Variants in JMJD1C observed in about 807,000 individuals in gnomAD.
The protein encoded by JMJD1C is jumonji domain-containing protein 1C.
A neutral mutation model predicts 245.3 loss-of-function variants in JMJD1C; 31 were observed. The ratio of observed to expected loss-of-function variants is 0.13; its 90% CI spans 0.09 to 0.17. The LOEUF is 0.17. JMJD1C is among the 10% of genes least tolerant of loss of function. The probability of loss-of-function intolerance (pLI) is 1.00; values close to 1 mark genes in which losing one functional copy is unlikely to be tolerated. For missense variants in JMJD1C, 2,691 were observed against 3,000.2 expected, an observed-to-expected ratio of 0.90 and a Z score of 2.41; for synonymous variants, 1,057 against 1,017.4, an observed-to-expected ratio of 1.04 and a Z score of -0.74.
intron 1 of JMJD1C, among the ~76,000 whole-genome samples, chr10:63,479,993 T>A (rs1275831630): frequency 2.0e-5 from 3 of 152,238 alleles, no homozygotes; most frequent in Non-Finnish European, 2.9e-5. Flanking sequence ...GCCAAATATA[T>A]ATTTTTTAAT....
intron 2 of JMJD1C, among the ~76,000 whole-genome samples, chr10:63,316,514 C>T (rs917639129): frequency 1.1e-4 from 16 of 144,994 alleles, no homozygotes; most frequent in Non-Finnish European, 1.6e-4. Context: ...ATGGCATGAT[C>T]CCTGCTCACT....
At chr10:63,491,944 G>T (rs977531871) in intron 1 of JMJD1C, among the ~76,000 whole-genome samples, 1 of 152,224 alleles carries the variant, frequency 6.6e-6, no homozygotes, top group African/African-American at 2.4e-5. Flanking sequence ...AAACTAAGAG[G>T]GGCAGAGCGG....
At chr10:63,311,772 T>A (rs1414986574) in intron 2 of JMJD1C, among the ~76,000 whole-genome samples, 1 of 152,118 alleles carries the variant, frequency 6.6e-6, no homozygotes, top group East Asian at 1.9e-4. Context: ...AGACAGTGAT[T>A]ACTGATGGAG....
chr10:63,518,948 T>G (rs1955114262), intron 1 of JMJD1C, among the ~76,000 whole-genome samples: 1 of 152,256 alleles, frequency 6.6e-6, no homozygotes, highest in South Asian at 2.1e-4. Flanking sequence ...CTGTTACCAA[T>G]GACCTATGTG....
At chr10:63,414,933 C>T (rs1276235165) in intron 1 of JMJD1C, among the ~76,000 whole-genome samples, 1 of 126,090 alleles carries the variant, frequency 7.9e-6, no homozygotes, top group African/African-American at 2.6e-5. Context: ...TATTCCAACA[C>T]TAGAGAAAAA....
At position 63,227,273 on chromosome 10, in the gene JMJD1C, T is replaced by C. The variant is rs1174857236; in HGVS notation, c.448-7290A>G. ...CAGTATTATGAAAATGTTAAAAATA[T>C]ACACAACTCATTTCCTAAGATAATA... On this transcript the variant is annotated intron_variant, in intron 3 of 25. Transcript: ENST00000399262. Among the ~76,000 whole-genome samples, 4 of 152,312 alleles carry C rather than the reference T, an allele frequency of 2.6e-5. No homozygotes were observed. In the East Asian group the frequency reaches 7.7e-4, roughly 29 times the overall value.
intron 3 of JMJD1C, among the ~76,000 whole-genome samples, chr10:63,230,455 T>C (rs1004276041): frequency 6.6e-6 from 1 of 152,162 alleles, no homozygotes. Flanking sequence ...CATTTAATCA[T>C]AAGAATTTAA....
intron 2 of JMJD1C, among the ~76,000 whole-genome samples, chr10:63,265,772 A>T (rs142735220): frequency 6.6e-6 from 1 of 152,196 alleles, no homozygotes; most frequent in African/African-American, 2.4e-5. Flanking sequence ...TCACATGGAG[A>T]AATCTTTCTA....
chr10:63,402,851 G>A (rs184957793), intron 1 of JMJD1C, among the ~76,000 whole-genome samples: 6 of 152,076 alleles, frequency 3.9e-5, no homozygotes, highest in Admixed American at 1.3e-4. Context: ...AGCATTCCAG[G>A]GTACTAGAAT....
chr10:63,430,157 T>C (rs1950662720), intron 1 of JMJD1C, among the ~76,000 whole-genome samples: 2 of 152,128 alleles, frequency 1.3e-5, no homozygotes, highest in Non-Finnish European at 2.9e-5. Flanking sequence ...AAAAATAAAG[T>C]TGGGAAATTA....
At chr10:63,305,379 A>C (rs1937922959) in intron 2 of JMJD1C, among the ~76,000 whole-genome samples, 1 of 80,140 alleles carries the variant, frequency 1.2e-5, no homozygotes, top group African/African-American at 3.1e-5. Flanking sequence ...AAAAAAAACA[A>C]AAAACAAAAA....
intron 1 of JMJD1C, among the ~76,000 whole-genome samples, chr10:63,484,596 G>A (rs1208567869): frequency 6.6e-6 from 1 of 151,796 alleles, no homozygotes; most frequent in African/African-American, 2.4e-5. Context: ...AGATCTTGAT[G>A]ATCAAACCAA....
intron 22 of JMJD1C, among the ~76,000 whole-genome samples, chr10:63,183,062 T>C (rs1843682922): frequency 1.3e-5 from 2 of 152,166 alleles, no homozygotes; most frequent in Non-Finnish European, 2.9e-5. Flanking sequence ...GGTTATAGCA[T>C]GTTGGTCAGG....
intron 2 of JMJD1C, among the ~76,000 whole-genome samples, chr10:63,357,286 T>C (rs1564827600): frequency 6.6e-6 from 1 of 151,844 alleles, no homozygotes; most frequent in African/African-American, 2.4e-5. Flanking sequence ...CACAAATATA[T>C]TTTTTCAAAT....
chr10:63,389,257 A>G (rs1432649386), intron 1 of JMJD1C, among the ~76,000 whole-genome samples: 2 of 145,108 alleles, frequency 1.4e-5, no homozygotes, highest in African/African-American at 5.0e-5. Context: ...GGTTACAGTG[A>G]GCTGAGATCG....
At chr10:63,345,722 T>A (rs893703715) in intron 2 of JMJD1C, among the ~76,000 whole-genome samples, 3 of 152,194 alleles carry the variant, frequency 2.0e-5, no homozygotes, top group Non-Finnish European at 4.4e-5. Context: ...AACTATTTTG[T>A]ATCTTGATTG....
intron 2 of JMJD1C, among the ~76,000 whole-genome samples, chr10:63,308,604 T>A (rs1938631274): frequency 1.5e-5 from 2 of 132,720 alleles, no homozygotes; most frequent in African/African-American, 2.7e-5. Flanking sequence ...AATAAGCTGC[T>A]ATAGGAAAAA....
At chr10:63,399,120 C>T (rs1437986696) in intron 1 of JMJD1C, among the ~76,000 whole-genome samples, 2 of 152,220 alleles carry the variant, frequency 1.3e-5, no homozygotes, top group East Asian at 3.9e-4. Flanking sequence ...ATAAACTTTC[C>T]GGATTTAAAT....
intron 1 of JMJD1C, among the ~76,000 whole-genome samples, chr10:63,490,422 AT>A (rs56942530): frequency 0.2 from 30,123 of 147,330 alleles, 3,990 homozygotes; most frequent in Non-Finnish European, 0.29. Flanking sequence ...TATTTATTTT[AT>A]TTTTTTTTTT....
Sources: gnomAD v4.1 joint callset for allele counts (sites outside exome capture counted in the v4.1 genomes callset) on GRCh38, gnomAD v4.1.1 for gene constraint, MANE v1.5 for transcripts, NCBI Gene and HGNC (gene_info 2026-07-23, HGNC 2026-07-21) for gene names.